PECAM1: variants seen among roughly 807,000 people sequenced by gnomAD.
PECAM1 encodes the protein platelet and endothelial cell adhesion molecule 1.
PECAM1 carries 8 observed loss-of-function variants against 13.8 expected under a neutral mutation model. That is an observed-to-expected ratio of 0.58 (90% CI 0.34 to 1.05). PECAM1 has a LOEUF of 1.05. Ranked by LOEUF, PECAM1 falls within the 50% of genes least tolerant of loss-of-function variation. The pLI, the probability that PECAM1 is intolerant of heterozygous loss-of-function variation, is 0.03. For synonymous variants in PECAM1, 136 were observed against 52.6 expected (o/e 2.58, Z -6.86); for missense variants, 304 against 141.2 (o/e 2.15, Z -5.84).
rs1555644982 is a variant in PECAM1, at chr17:64,323,705, G to C, written c.*111C>G. 3 of 1,549,948 alleles carry C rather than the reference G, an allele frequency of 1.9e-6. No homozygotes were observed. In the East Asian group the frequency reaches 7.1e-5, roughly 37 times the overall value. On this transcript the variant is annotated 3_prime_UTR_variant, in exon 16 of 16. Transcript: ENST00000563924. ...AGCCTGAGGAATTGCTGTGTTCTGT[G>C]GGAGCAGGGCAGGTTCATAAATAAG...
intron 11 of PECAM1, among the ~76,000 whole-genome samples, chr17:64,351,368 T>C (rs1046422899): frequency 5.1e-4 from 77 of 152,328 alleles, no homozygotes; most frequent in Non-Finnish European, 1.0e-3. Flanking sequence ...AATTTCTTAT[T>C]TTGTGAGACA....
In PECAM1 at chr17:64,322,547, G is replaced by T. The variant is rs1038471353; in HGVS notation, c.*1269C>A. The T allele has an allele frequency of 4.6e-5, 45 of 985,174 alleles. No individual in the cohort carries two copies. The African/African-American group carries it at 7.3e-4, about 16-fold the overall frequency. The allele number at this position is 985,174 out of a possible 1,614,324, so 61.0% of individuals were successfully genotyped here. A position where few individuals can be genotyped will look rare whatever the true frequency, so the allele number is the denominator to read the frequency against. On this transcript the variant is annotated 3_prime_UTR_variant, in exon 16 of 16. Coordinates refer to ENST00000563924, the MANE Select transcript of PECAM1 (RefSeq NM_000442.5). ...ATTTATTTAATACAACATCCACGAG[G>T]GTCCCTGCAGCTGTGTCACTGAGGC...
chr17:64,321,594 CAA>C lies in PECAM1; in HGVS notation c.*2220_*2221del, dbSNP rs5821431. 137 of 412,486 alleles carry C rather than the reference CAA, an allele frequency of 3.3e-4. No homozygotes were observed. The highest frequency in any genetic ancestry group is 1.2e-3 in the Middle Eastern group (1 of 808). 25.6% of individuals were successfully genotyped at this position (412,486 alleles called of 1,614,324 possible). A position where few individuals can be genotyped will look rare whatever the true frequency, so the allele number is the denominator to read the frequency against. On this transcript the variant is annotated 3_prime_UTR_variant, in exon 16 of 16. Transcript: ENST00000563924. ...GCACCATGGTGAAACCTCATCTCTGCAAAAAAAAAATTAAAAATTAGCCAGCT... is the reference window on the plus strand; with the variant it reads ...GCACCATGGTGAAACCTCATCTCTGCAAAAAAAATTAAAAATTAGCCAGCT...
intron 3 of PECAM1, among the ~76,000 whole-genome samples, 154 bp from the exon 4 acceptor site, chr17:64,375,510 C>T (rs1456829598): frequency 6.6e-6 from 1 of 152,158 alleles, no homozygotes; most frequent in East Asian, 1.9e-4. Context: ...CCCAGTGCGA[C>T]CTACCAGGTA....
Position 64,323,749 on chromosome 17 carries a change from T to A in PECAM1, c.*67A>T. ...AAATAAGTGCACAGAGGTCTTGAAA[T>A]ACAGGGATTATCTGTTCTTCTCGGA... On this transcript the variant is annotated 3_prime_UTR_variant, in exon 16 of 16. Coordinates refer to ENST00000563924, the MANE Select transcript of PECAM1 (RefSeq NM_000442.5). 1 of 1,288,062 alleles carries A rather than the reference T, an allele frequency of 7.8e-7. No individual in the cohort carries two copies. The highest frequency in any genetic ancestry group is 1.1e-6 in the Non-Finnish European group (1 of 884,202). The allele number at this position is 1,288,062 out of a possible 1,614,324, so 79.8% of individuals were successfully genotyped here.
Position 64,369,439 on chromosome 17 carries a change from G to T in PECAM1, c.967+311C>A, listed in dbSNP as rs1011072763. Among the ~76,000 whole-genome samples, 1,287 of 152,174 alleles carry T rather than the reference G, an allele frequency of 8.5e-3. 12 individuals are homozygous for T. The highest frequency in any genetic ancestry group is 0.028 in the African/African-American group (1,153 of 41,504). ...TATAGTTATCTCATTAATCATTATA[G>T]CAGTCCTAAAAGGTCATTATCACCA... is the stretch of plus-strand genomic sequence containing the variant. On this transcript the variant is annotated intron_variant, in intron 5 of 15. Coordinates refer to ENST00000563924, the MANE Select transcript of PECAM1 (RefSeq NM_000442.5).
At chr17:64,371,383 A>C (rs2036233460) in intron 4 of PECAM1, among the ~76,000 whole-genome samples, 1 of 152,206 alleles carries the variant, frequency 6.6e-6, no homozygotes, top group African/African-American at 2.4e-5. Context: ...CAATTTATTA[A>C]AGGCTCAGCT....
At chr17:64,379,932 G>C (rs1007413008) in intron 2 of PECAM1, among the ~76,000 whole-genome samples, 9 of 151,890 alleles carry the variant, frequency 5.9e-5, no homozygotes, top group Non-Finnish European at 1.2e-4. Flanking sequence ...GGCTGAGGTG[G>C]GAGGATCACC....
chr17:64,388,616 G>A (rs2036651119), intron 2 of PECAM1, among the ~76,000 whole-genome samples: 1 of 152,160 alleles, frequency 6.6e-6, no homozygotes, highest in Non-Finnish European at 1.5e-5. Flanking sequence ...GGAAGTTCCA[G>A]TCCCAGTGCC....
intron 2 of PECAM1, among the ~76,000 whole-genome samples, chr17:64,389,970 C>G (rs1402498354): frequency 1.3e-5 from 2 of 151,950 alleles, no homozygotes; most frequent in Non-Finnish European, 2.9e-5. Flanking sequence ...ATCCCTTGAA[C>G]CCAGGAGGCG....
intron 14 of PECAM1, among the ~76,000 whole-genome samples, chr17:64,337,912 C>CTT (rs35448806): frequency 1.3e-3 from 181 of 140,554 alleles, no homozygotes; most frequent in Admixed American, 1.9e-3. Context: ...CTACTTCTTC[C>CTT]TTTTTTTTTT....
intron 2 of PECAM1, among the ~76,000 whole-genome samples, chr17:64,387,003 T>C (rs1245038539): frequency 6.6e-6 from 1 of 151,546 alleles, no homozygotes; most frequent in Non-Finnish European, 1.5e-5. Flanking sequence ...CCAGGGAGGA[T>C]AAGACCAGGA....
At chr17:64,343,092 C>A (rs1343918770) in intron 13 of PECAM1, among the ~76,000 whole-genome samples, 1 of 152,154 alleles carries the variant, frequency 6.6e-6, no homozygotes, top group African/African-American at 2.4e-5. Context: ...GTGTGGGCCA[C>A]TGTTCTCCTT....
At chr17:64,368,396 T>A (rs1054051853) in intron 5 of PECAM1, among the ~76,000 whole-genome samples, 3 of 152,110 alleles carry the variant, frequency 2.0e-5, no homozygotes, top group Non-Finnish European at 4.4e-5. Flanking sequence ...GTTCATGGAT[T>A]TGAAAGCCAA....
intron 14 of PECAM1, among the ~76,000 whole-genome samples, chr17:64,339,363 G>A (rs886667681): frequency 1.9e-4 from 29 of 152,184 alleles, no homozygotes; most frequent in Non-Finnish European, 3.1e-4. Context: ...GATTTGTGGT[G>A]AATCCCATGG....
At chr17:64,373,689 A>G (rs1430828771) in intron 4 of PECAM1, among the ~76,000 whole-genome samples, 2 of 152,104 alleles carry the variant, frequency 1.3e-5, no homozygotes, top group African/African-American at 4.8e-5. Context: ...TTGTCTGAAA[A>G]TTCTACCCAG....
At chr17:64,366,302 A>G (rs1259244252) in intron 5 of PECAM1, among the ~76,000 whole-genome samples, 1 of 152,056 alleles carries the variant, frequency 6.6e-6, no homozygotes, top group Non-Finnish European at 1.5e-5. Flanking sequence ...TAGAATGGCG[A>G]TCATTAAAAA....
At chr17:64,374,963 C>T (rs1217416787) in intron 4 of PECAM1, 88 bp downstream of exon 4, 1 of 425,476 alleles carries the variant, frequency 2.4e-6, no homozygotes, top group Non-Finnish European at 4.3e-6. Flanking sequence ...GTCCTGAGAA[C>T]AGCAGCCCCT....
At position 64,369,977 on chromosome 17, in the gene PECAM1, A is replaced by G. The variant is rs1305286648; in HGVS notation, c.740T>C (p.Met247Thr). Residue 247 changes from methionine to threonine, a missense_variant, in exon 5 of 16, where the codon ATG becomes ACG. By Grantham distance (81) the Met-to-Thr change is moderately conservative (BLOSUM62 -1). Coordinates refer to ENST00000563924, the MANE Select transcript of PECAM1 (RefSeq NM_000442.5). ...KFHISPTGMI[M>T]EGAQLHIKCT... ...CTTAATGTGGAGCTGAGCTCCTTCC[A>G]TGATCATTCCGGTGGGGCTGATGTG... 1.5e-5 allele frequency: 6 copies of G among 398,520 alleles called. No homozygotes were observed. In the Admixed American group the frequency reaches 2.6e-4, roughly 18 times the overall value. The allele number at this position is 398,520 out of a possible 1,614,324, so 24.7% of individuals were successfully genotyped here. A position where few individuals can be genotyped will look rare whatever the true frequency, so the allele number is the denominator to read the frequency against.
Sources: gnomAD v4.1 joint callset for allele counts (sites outside exome capture counted in the v4.1 genomes callset) on GRCh38, gnomAD v4.1.1 for gene constraint, MANE v1.5 for transcripts, NCBI Gene and HGNC (gene_info 2026-07-23, HGNC 2026-07-21) for gene names.